ALDH18A1: variants seen among roughly 807,000 people sequenced by gnomAD.
The protein encoded by ALDH18A1 is aldehyde dehydrogenase 18 family member A1, also known as delta-1-pyrroline-5-carboxylate synthase.
Under a neutral mutation model 88.8 loss-of-function variants are expected in ALDH18A1, and 44 were observed. The ratio of observed to expected loss-of-function variants is 0.50; its 90% CI spans 0.39 to 0.64. The LOEUF is 0.64. Among genes scored for constraint, ALDH18A1 ranks in the 30% least tolerant of loss-of-function variants. The pLI is 0.00. For missense variants in ALDH18A1, 782 were observed against 1,009.5 expected (o/e 0.77, Z 3.05); for synonymous variants, 331 against 372.1 (o/e 0.89, Z 1.27).
chr10:95,636,895 A>G lies in ALDH18A1; in HGVS notation c.558+198T>C, dbSNP rs150628285. On this transcript the variant is annotated intron_variant, in intron 5 of 17. Coordinates refer to ENST00000371224, the MANE Select transcript of ALDH18A1 (RefSeq NM_002860.4). ...TTCTCACTGAGCCCTTCCAAAAATTATCTGAAATAGGCACTGATATTATCC... is the reference window on the plus strand; with the variant it reads ...TTCTCACTGAGCCCTTCCAAAAATTGTCTGAAATAGGCACTGATATTATCC... Among the ~76,000 whole-genome samples, 45 of 152,374 alleles carry G rather than the reference A, an allele frequency of 3.0e-4. 1 individual carries two copies. The East Asian group carries it at 4.8e-3, about 16-fold the overall frequency.
intron 2 of ALDH18A1, among the ~76,000 whole-genome samples, chr10:95,647,543 G>T (rs1356507455): frequency 1.3e-5 from 2 of 152,158 alleles, no homozygotes; most frequent in Non-Finnish European, 2.9e-5. Context: ...TATAATGTTG[G>T]TGTAAGGAAA....
At chr10:95,614,658 G>T (rs1287351306) in intron 13 of ALDH18A1, among the ~76,000 whole-genome samples, 2 of 152,166 alleles carry the variant, frequency 1.3e-5, no homozygotes. Flanking sequence ...ACTTCTGATG[G>T]CAACTTCTAC....
chr10:95,614,127 C>T lies in ALDH18A1; in HGVS notation c.1640G>A (p.Arg547His), dbSNP rs199668897. The T allele has an allele frequency of 2.3e-5, 37 of 1,614,034 alleles. No homozygotes were observed. The highest frequency in any genetic ancestry group is 1.3e-4 in the South Asian group (12 of 91,072). The change falls in exon 14 of 18, where the codon CGC becomes CAC. Residue 547 changes from arginine (R) to histidine (H), a missense_variant. Arg to His is a conservative substitution (Grantham distance 29, BLOSUM62 0). Transcript: ENST00000371224. The part of the protein sequence containing the change: ...NTREEVEDLC[R>H]LDKMIDLIIP... ...GATCAGATCTATCATTTTGTCTAGG[C>T]GGCAAAGATCTTCAACTTCTTCTCT...
chr10:95,619,965 G>A (rs1290308189), intron 12 of ALDH18A1, among the ~76,000 whole-genome samples: 1 of 152,194 alleles, frequency 6.6e-6, no homozygotes, highest in Non-Finnish European at 1.5e-5. Flanking sequence ...AAGAGCTTCT[G>A]CATGGCAAAA....
chr10:95,617,549 G>A (rs1194148317), intron 12 of ALDH18A1, among the ~76,000 whole-genome samples: 3 of 152,338 alleles, frequency 2.0e-5, no homozygotes, highest in South Asian at 2.1e-4. Flanking sequence ...GGAGGAAAAC[G>A]TAAACCATCC....
At chr10:95,626,891 C>T (rs1475718215) in intron 9 of ALDH18A1, 115 bp from the exon 10 acceptor site, 1 of 1,026,338 alleles carries the variant, frequency 9.7e-7, no homozygotes, top group Non-Finnish European at 1.5e-6. Context: ...ACAGAAGGAA[C>T]ACATGATGTC....
intron 8 of ALDH18A1, 91 bp downstream of exon 8, chr10:95,628,277 A>G: frequency 1.9e-6 from 3 of 1,578,960 alleles, no homozygotes; most frequent in Non-Finnish European, 2.6e-6. Context: ...TATCTGAACC[A>G]TTAACCCCCA....
In ALDH18A1 at chr10:95,613,776, A is replaced by C; in HGVS notation, c.1889T>G (p.Phe630Cys). ...TCTCAGCATATCAATGATCTGGTCAAATAATGGTGTCCTGAGCAGATCCCG... is the reference window on the plus strand; with the variant it reads ...TCTCAGCATATCAATGATCTGGTCACATAATGGTGTCCTGAGCAGATCCCG... ...IHRDLLRTPL[F>C]DQIIDMLRVE... The change falls in exon 15 of 18, where the codon TTT (phenylalanine) becomes TGT (cysteine). Residue 630 changes from phenylalanine (F) to cysteine (C), a missense_variant. Transcript: ENST00000371224. 6.2e-7 allele frequency: 1 copy of C among 1,614,178 alleles called. No homozygotes were observed. Among genetic ancestry groups the C allele is most frequent in the South Asian group, 1.1e-5 (1 of 91,084 alleles).
intron 2 of ALDH18A1, among the ~76,000 whole-genome samples, chr10:95,647,011 C>G (rs894376598): frequency 2.6e-5 from 4 of 152,192 alleles, no homozygotes; most frequent in Non-Finnish European, 5.9e-5. Flanking sequence ...CTTCCATTGC[C>G]TTCTCTGTTT....
At chr10:95,625,117 C>G (rs528002548) in intron 11 of ALDH18A1, among the ~76,000 whole-genome samples, 1 of 151,990 alleles carries the variant, frequency 6.6e-6, no homozygotes, top group East Asian at 1.9e-4. Context: ...TTGTCCTGAC[C>G]GCCATAGTAG....
intron 16 of ALDH18A1, among the ~76,000 whole-genome samples, chr10:95,610,530 G>A (rs1356593710): frequency 6.6e-6 from 1 of 152,146 alleles, no homozygotes; most frequent in Admixed American, 6.6e-5. Context: ...TCCCATGCAG[G>A]TGACCTGCCT....
intron 2 of ALDH18A1, among the ~76,000 whole-genome samples, chr10:95,646,082 T>G (rs2139649817): frequency 6.6e-6 from 1 of 152,330 alleles, no homozygotes; most frequent in African/African-American, 2.4e-5. Context: ...AGTGGCTGTT[T>G]GCAGAGCTTA....
chr10:95,639,646 C>T (rs538540489), intron 3 of ALDH18A1, among the ~76,000 whole-genome samples: 2 of 151,926 alleles, frequency 1.3e-5, no homozygotes, highest in Admixed American at 1.3e-4. Flanking sequence ...TGATTTCCTT[C>T]ATATCAAATA....
At chr10:95,639,220 A>G (rs1324885446) in intron 3 of ALDH18A1, among the ~76,000 whole-genome samples, 2 of 152,066 alleles carry the variant, frequency 1.3e-5, no homozygotes, top group Admixed American at 6.6e-5. Context: ...AGTCCCAGCT[A>G]CTCAGGAGGC....
chr10:95,607,257 T>C (rs2097824484), intron 17 of ALDH18A1, among the ~76,000 whole-genome samples: 2 of 152,238 alleles, frequency 1.3e-5, no homozygotes, highest in South Asian at 4.1e-4. Context: ...TTGCATACCA[T>C]ATTTTGACAT....
At chr10:95,627,793 C>T (rs2097862549) in intron 8 of ALDH18A1, among the ~76,000 whole-genome samples, 1 of 152,180 alleles carries the variant, frequency 6.6e-6, no homozygotes, top group East Asian at 1.9e-4. Context: ...AAAGGTAAAC[C>T]AACCTATCCT....
In ALDH18A1 at chr10:95,621,015, C is replaced by T. The variant is rs371225175; in HGVS notation, c.1467+16G>A. 77 of 1,612,052 alleles carry T rather than the reference C, an allele frequency of 4.8e-5. No homozygotes were observed. Among genetic ancestry groups the T allele is most frequent in the South Asian group, 7.7e-5 (7 of 91,010 alleles). On this transcript the variant is annotated intron_variant, in intron 12 of 17. Coordinates refer to ENST00000371224, the MANE Select transcript of ALDH18A1 (RefSeq NM_002860.4). The stretch of plus-strand genomic sequence containing the variant: ...CCCAATGGCAGGGTATTTATTCTCC[C>T]GGGGTATATACACACCTGGGGTAGA...
intron 3 of ALDH18A1, among the ~76,000 whole-genome samples, chr10:95,639,267 C>T (rs2097886883): frequency 6.6e-6 from 1 of 152,016 alleles, no homozygotes; most frequent in Non-Finnish European, 1.5e-5. Context: ...GAGTTCAGGG[C>T]TGCAGTGAAC....
intron 6 of ALDH18A1, 127 bp from the exon 7 acceptor site, chr10:95,633,176 G>T: frequency 1.2e-6 from 1 of 838,708 alleles, no homozygotes; most frequent in Non-Finnish European, 2.0e-6. Context: ...ACCCAAATAT[G>T]TAGATGACGG....
Sources: gnomAD v4.1 joint callset for allele counts (sites outside exome capture counted in the v4.1 genomes callset) on GRCh38, gnomAD v4.1.1 for gene constraint, MANE v1.5 for transcripts, NCBI Gene and HGNC (gene_info 2026-07-23, HGNC 2026-07-21) for gene names.